Variants in LPP observed in about 807,000 individuals in gnomAD.
LPP encodes the protein lipoma-preferred partner.
Under a neutral mutation model 60.4 loss-of-function variants are expected in LPP, and 38 were observed. The observed-to-expected ratio is 0.63, with a 90% CI of 0.49 to 0.83. LPP has a LOEUF of 0.83. LPP is among the 40% of genes least tolerant of loss of function. The probability of loss-of-function intolerance (pLI) is 0.00; values close to 1 mark genes in which losing one functional copy is unlikely to be tolerated. For synonymous variants in LPP, 328 were observed against 290.8 expected, an observed-to-expected ratio of 1.13 and a Z score of -1.30; for missense variants, 902 against 783.6, an observed-to-expected ratio of 1.15 and a Z score of -1.80.
At chr3:188,527,624 C>A (rs942384686) in intron 6 of LPP, among the ~76,000 whole-genome samples, 1 of 152,130 alleles carries the variant, frequency 6.6e-6, no homozygotes, top group Non-Finnish European at 1.5e-5. Flanking sequence ...GCTTGATGTT[C>A]AGCAATTTTT....
chr3:188,224,682 A>G (rs1717074383), intron 1 of LPP, among the ~76,000 whole-genome samples: 1 of 152,166 alleles, frequency 6.6e-6, no homozygotes, highest in Admixed American at 6.5e-5. Context: ...AAGGAGGAGC[A>G]GGTGTCTCAG....
intron 7 of LPP, among the ~76,000 whole-genome samples, chr3:188,700,785 T>C (rs1864246733): frequency 6.6e-6 from 1 of 152,180 alleles, no homozygotes; most frequent in African/African-American, 2.4e-5. Flanking sequence ...AGGTTTCCAC[T>C]TACTCAGTGT....
At chr3:188,725,578 C>T (rs1718081629) in intron 8 of LPP, 1 of 152,086 alleles carries the variant, frequency 6.6e-6, no homozygotes, top group Non-Finnish European at 1.5e-5. Flanking sequence ...TAAACATGCT[C>T]TAAATAAGAA....
At chr3:188,247,258 T>C in intron 2 of LPP, 1 of 720,738 alleles carries the variant, frequency 1.4e-6, no homozygotes, top group East Asian at 1.3e-4. Context: ...GGCACTTTAG[T>C]GGGAAAAAAA....
intron 6 of LPP, among the ~76,000 whole-genome samples, chr3:188,565,106 A>C (rs765777575): frequency 2.6e-5 from 4 of 151,932 alleles, no homozygotes; most frequent in Non-Finnish European, 5.9e-5. Context: ...TCTTCCTCCA[A>C]CACAGCTCCT....
intron 5 of LPP, among the ~76,000 whole-genome samples, chr3:188,488,525 C>CT (rs1560469183): frequency 6.6e-6 from 1 of 152,120 alleles, no homozygotes; most frequent in African/African-American, 2.4e-5. Flanking sequence ...AAATTGAATG[C>CT]TTCTTGTAAG....
chr3:188,684,992 T>C (rs1261334609), intron 7 of LPP, among the ~76,000 whole-genome samples: 2 of 152,370 alleles, frequency 1.3e-5, no homozygotes, highest in Non-Finnish European at 2.9e-5. Flanking sequence ...CAAATACTTA[T>C]ATGTCAAGCA....
intron 1 of LPP, among the ~76,000 whole-genome samples, chr3:188,215,456 G>C (rs1355497716): frequency 6.6e-6 from 1 of 152,012 alleles, no homozygotes; most frequent in African/African-American, 2.4e-5. Flanking sequence ...CCAGCCCCTG[G>C]CATCCTCCAT....
At chr3:188,393,378 G>A (rs767097272) in intron 3 of LPP, among the ~76,000 whole-genome samples, 73 of 152,116 alleles carry the variant, frequency 4.8e-4, no homozygotes, top group Admixed American at 1.2e-3. Flanking sequence ...TCTACTTCCC[G>A]TTGCTAATTG....
intron 8 of LPP, among the ~76,000 whole-genome samples, chr3:188,734,012 G>T (rs1196650696): frequency 6.6e-6 from 1 of 151,888 alleles, no homozygotes; most frequent in African/African-American, 2.4e-5. Context: ...TGTGTGTGTG[G>T]AGTTTGTTTT....
In LPP at chr3:188,609,379, T is replaced by G. The variant is rs1226592440; in HGVS notation, c.648T>G (p.Ser216=). Reference sequence around the variant, plus strand: ...CCTCCTACACCACGGCCTCCACTTCTTCAAGGCCTACCTTTAATGTGCAGG... The same window carrying G: ...CCTCCTACACCACGGCCTCCACTTCGTCAAGGCCTACCTTTAATGTGCAGG... ...VPASYTTAST[S]SRPTFNVQVK... Residue 216 remains serine, a synonymous_variant, in exon 7 of 12, where the codon TCT becomes TCG. Transcript: ENST00000617246. The surrounding 1 kb of genome is among the most constrained non-coding windows in gnomAD (Gnocchi z 6.9). 3.1e-6 allele frequency: 5 copies of G among 1,614,140 alleles called. No individual in the cohort carries two copies. The highest frequency in any genetic ancestry group is 4.2e-6 in the Non-Finnish European group (5 of 1,180,014).
intron 5 of LPP, among the ~76,000 whole-genome samples, chr3:188,509,873 G>GTTTTTTTTT (rs35389820): frequency 9.0e-6 from 1 of 111,040 alleles, no homozygotes; most frequent in African/African-American, 3.6e-5. Context: ...TTTTTTTGTT[G>GTTTTTTTTT]TTTTTTTTTT....
intron 5 of LPP, among the ~76,000 whole-genome samples, chr3:188,509,157 G>A (rs1054775309): frequency 6.6e-6 from 1 of 152,144 alleles, no homozygotes; most frequent in Non-Finnish European, 1.5e-5. Context: ...TTATTTAATA[G>A]CTGCAAATTC....
chr3:188,523,925 T>C (rs932904811), intron 5 of LPP, among the ~76,000 whole-genome samples: 1 of 124,216 alleles, frequency 8.1e-6, no homozygotes, highest in African/African-American at 3.0e-5. Flanking sequence ...TTTGCTTCTT[T>C]TTCCCAAACC....
At chr3:188,617,855 A>C (rs528510307) in intron 7 of LPP, among the ~76,000 whole-genome samples, 1 of 152,078 alleles carries the variant, frequency 6.6e-6, no homozygotes, top group Non-Finnish European at 1.5e-5. Flanking sequence ...GTTTTGTTTT[A>C]CTTCAGTTCT....
chr3:188,599,443 G>C (rs1191019202), intron 6 of LPP, among the ~76,000 whole-genome samples: 1 of 152,016 alleles, frequency 6.6e-6, no homozygotes, highest in Non-Finnish European at 1.5e-5. Context: ...TTTTATGTTT[G>C]AGAAAACTAC....
chr3:188,254,956 T>C (rs1374643705), intron 2 of LPP, among the ~76,000 whole-genome samples: 1 of 152,162 alleles, frequency 6.6e-6, no homozygotes, highest in African/African-American at 2.4e-5. Context: ...ACAGATAAAT[T>C]CTACACCCTG....
chr3:188,821,508 TTATTA>T (rs1221674719), intron 9 of LPP, among the ~76,000 whole-genome samples: 1 of 151,882 alleles, frequency 6.6e-6, no homozygotes, highest in African/African-American at 2.4e-5. Context: ...AACCCATAAT[TTATTA>T]TAAGTCACTC....
Position 188,416,915 on chromosome 3 carries a change from G to C in LPP, c.193+10602G>C, listed in dbSNP as rs768184668. On this transcript the variant is annotated intron_variant, in intron 4 of 11. Coordinates refer to ENST00000617246, the MANE Select transcript of LPP (RefSeq NM_001375462.1). ...ATTATCTAAAAATGGATTCATTATG[G>C]ACATTATAAAAATAAATCTGACACC... 3.9e-5 allele frequency among the ~76,000 whole-genome samples: 6 copies of C among 152,060 alleles called. No homozygotes were observed. In the East Asian group the frequency reaches 7.7e-4, roughly 20 times the overall value.
Sources: allele counts gnomAD v4.1 joint callset (sites outside exome capture counted in the v4.1 genomes callset), GRCh38; gene constraint gnomAD v4.1.1; non-coding constraint Gnocchi (gnomAD v3.1); transcripts MANE v1.5; gene names NCBI Gene and HGNC (gene_info 2026-07-23, HGNC 2026-07-21).